LRP1B: variants seen among roughly 807,000 people sequenced by gnomAD.
LRP1B encodes the protein low-density lipoprotein receptor-related protein 1B.
LRP1B carries 217 observed loss-of-function variants against 556.6 expected under a neutral mutation model. The ratio of observed to expected loss-of-function variants is 0.39; its 90% CI spans 0.35 to 0.44. The LOEUF (loss-of-function observed/expected upper bound fraction) is 0.44. Among genes scored for constraint, LRP1B ranks in the 20% least tolerant of loss-of-function variants. The pLI is 1.00. For missense variants in LRP1B, 5,053 were observed against 5,620.8 expected, an observed-to-expected ratio of 0.90 and a Z score of 3.23; for synonymous variants, 2,047 against 1,865.8, an observed-to-expected ratio of 1.10 and a Z score of -2.50.
chr2:142,038,739 G>A (rs539056526), intron 1 of LRP1B, among the ~76,000 whole-genome samples: 1 of 151,362 alleles, frequency 6.6e-6, no homozygotes, highest in African/African-American at 2.4e-5. Flanking sequence ...TTTCTATTAG[G>A]CAAAACCACC....
chr2:141,984,948 T>C (rs1702144547), intron 1 of LRP1B, among the ~76,000 whole-genome samples: 1 of 152,148 alleles, frequency 6.6e-6, no homozygotes, highest in South Asian at 2.1e-4. Context: ...ATCGATGTTT[T>C]CTTGAGAATC....
chr2:141,527,554 T>TC (rs1358902676), intron 2 of LRP1B, among the ~76,000 whole-genome samples: 3 of 152,110 alleles, frequency 2.0e-5, no homozygotes, highest in Admixed American at 2.0e-4. Flanking sequence ...ACAAATGGAA[T>TC]TCCATCAGAT....
intron 3 of LRP1B, among the ~76,000 whole-genome samples, chr2:141,275,314 T>A (rs371826102): frequency 2.0e-5 from 3 of 152,210 alleles, no homozygotes; most frequent in Non-Finnish European, 4.4e-5. Flanking sequence ...ATTGGAAACA[T>A]CTGTGTGGTA....
chr2:141,110,649 T>TTA (rs34691582), intron 7 of LRP1B, among the ~76,000 whole-genome samples: 3 of 151,388 alleles, frequency 2.0e-5, no homozygotes, highest in Non-Finnish European at 3.0e-5. Context: ...TTTTTTTTTT[T>TTA]AACACAGGTG....
chr2:141,457,250 T>C (rs1190190317), intron 3 of LRP1B, among the ~76,000 whole-genome samples: 1 of 151,982 alleles, frequency 6.6e-6, no homozygotes, highest in Non-Finnish European at 1.5e-5. Context: ...CTAGTTTAGG[T>C]TACTATATGG....
chr2:140,264,706 G>A (rs200815648), intron 86 of LRP1B, among the ~76,000 whole-genome samples: 1,214 of 4,770 alleles, frequency 0.25, 13 homozygotes, highest in Middle Eastern at 0.5. Flanking sequence ...CTATATATGT[G>A]TGTGTGTGTG....
chr2:141,025,541 C>G (rs1462412044), intron 11 of LRP1B, among the ~76,000 whole-genome samples: 1 of 152,002 alleles, frequency 6.6e-6, no homozygotes, highest in Non-Finnish European at 1.5e-5. Flanking sequence ...TTCGCCTCAT[C>G]CAATCAGTTG....
rs2105192914 is a variant in LRP1B at position 140,886,348 on chromosome 2, T to A, written c.3767-13A>T. 1 of 1,434,434 alleles carries A rather than the reference T, an allele frequency of 7.0e-7. No homozygotes were observed. The highest frequency in any genetic ancestry group is 9.6e-7 in the Non-Finnish European group (1 of 1,046,598). 88.9% of individuals were successfully genotyped at this position (1,434,434 alleles called of 1,614,324 possible). A position where few individuals can be genotyped will look rare whatever the true frequency, so the allele number is the denominator to read the frequency against. ...GCTTCAAAAGGATCTGAAATTAAAT[T>A]TATTTTTAATAGGCTTATGAAAATG... On this transcript the variant is annotated splice_polypyrimidine_tract_variant and intron_variant, in intron 23 of 90. Coordinates refer to ENST00000389484, the MANE Select transcript of LRP1B (RefSeq NM_018557.3).
At chr2:140,885,486 G>C (rs1391810088) in intron 24 of LRP1B, among the ~76,000 whole-genome samples, 1 of 151,728 alleles carries the variant, frequency 6.6e-6, no homozygotes, top group Non-Finnish European at 1.5e-5. Flanking sequence ...GAGCAGCTGG[G>C]AATACAGGCA....
At chr2:141,917,498 T>C (rs1264915659) in intron 1 of LRP1B, among the ~76,000 whole-genome samples, 1 of 152,222 alleles carries the variant, frequency 6.6e-6, no homozygotes. Context: ...AGTGCAAAAG[T>C]AAATATCATG....
intron 2 of LRP1B, among the ~76,000 whole-genome samples, chr2:141,802,729 T>C (rs1696047980): frequency 6.6e-6 from 1 of 152,114 alleles, no homozygotes; most frequent in South Asian, 2.1e-4. Context: ...TGAGTGAAAG[T>C]CAAATGTAAA....
At chr2:141,682,738 G>T (rs914067642) in intron 2 of LRP1B, among the ~76,000 whole-genome samples, 4 of 152,210 alleles carry the variant, frequency 2.6e-5, no homozygotes, top group Non-Finnish European at 4.4e-5. Context: ...ATATTTAGTG[G>T]AATATGGAAC....
At chr2:141,347,141 A>G (rs943257822) in intron 3 of LRP1B, among the ~76,000 whole-genome samples, 22 of 152,076 alleles carry the variant, frequency 1.4e-4, no homozygotes, top group Non-Finnish European at 2.8e-4. Flanking sequence ...TGTATAAGTT[A>G]CTTTTTGGGT....
At chr2:141,057,004 G>A (rs1300740780) in intron 9 of LRP1B, among the ~76,000 whole-genome samples, 1 of 151,710 alleles carries the variant, frequency 6.6e-6, no homozygotes, top group Non-Finnish European at 1.5e-5. Context: ...CACCTCTAAT[G>A]TATCAGAAAA....
At chr2:140,764,926 A>C (rs1319387301) in intron 35 of LRP1B, among the ~76,000 whole-genome samples, 1 of 152,186 alleles carries the variant, frequency 6.6e-6, no homozygotes, top group Non-Finnish European at 1.5e-5. Context: ...TGGTGTAAAA[A>C]AATAATAAAA....
intron 1 of LRP1B, among the ~76,000 whole-genome samples, chr2:142,075,342 A>T (rs1156958539): frequency 6.6e-6 from 1 of 152,128 alleles, no homozygotes; most frequent in Non-Finnish European, 1.5e-5. Context: ...ACTGTAAGAC[A>T]TGCCAAATAA....
chr2:141,956,122 C>A (rs1701244743), intron 1 of LRP1B, among the ~76,000 whole-genome samples: 1 of 152,040 alleles, frequency 6.6e-6, no homozygotes, highest in African/African-American at 2.4e-5. Flanking sequence ...CAGGCATATG[C>A]CTAGGAATTG....
chr2:140,328,343 T>A (rs965536780), intron 79 of LRP1B, among the ~76,000 whole-genome samples: 14 of 151,754 alleles, frequency 9.2e-5, no homozygotes, highest in African/African-American at 3.1e-4. Flanking sequence ...TGTAGTCATT[T>A]TCAGTATATC....
chr2:140,759,098 T>C (rs939912758), intron 35 of LRP1B, among the ~76,000 whole-genome samples: 1 of 152,174 alleles, frequency 6.6e-6, no homozygotes, highest in South Asian at 2.1e-4. Flanking sequence ...GTCTACATTT[T>C]TTGCTCAAAC....
Sources: gnomAD v4.1 joint callset for allele counts (sites outside exome capture counted in the v4.1 genomes callset) on GRCh38, gnomAD v4.1.1 for gene constraint, MANE v1.5 for transcripts, NCBI Gene and HGNC (gene_info 2026-07-23, HGNC 2026-07-21) for gene names.